The following ZDHHC24 variants were observed in gnomAD, a reference collection of about 807,000 sequenced individuals.
ZDHHC24 encodes the protein probable palmitoyltransferase ZDHHC24.
Under a neutral mutation model 23.2 loss-of-function variants are expected in ZDHHC24, and 17 were observed. The ratio of observed to expected loss-of-function variants is 0.73; its 90% CI spans 0.50 to 1.10. The LOEUF is 1.10. Ranked by LOEUF, ZDHHC24 falls within the 50% of genes least tolerant of loss-of-function variation. The pLI, the probability that ZDHHC24 is intolerant of heterozygous loss-of-function variation, is 0.00. For missense variants in ZDHHC24, 366 were observed against 393.0 expected (o/e 0.93, Z 0.58); for synonymous variants, 186 against 194.5 (o/e 0.96, Z 0.36).
chr11:66,525,280 A>C (rs1248729629), intron 4 of ZDHHC24, among the ~76,000 whole-genome samples: 1 of 151,926 alleles, frequency 6.6e-6, no homozygotes, highest in African/African-American at 2.4e-5. Flanking sequence ...AATCACTTGA[A>C]CCTGGGAGGC....
chr11:66,527,668 C>CAAAAAAAAAA (rs58165767), intron 3 of ZDHHC24: 2 of 57,976 alleles, frequency 3.4e-5, no homozygotes, highest in Admixed American at 1.9e-4. Context: ...GACTCCGTCT[C>CAAAAAAAAAA]AAAAAAAAAA....
At position 66,539,191 on chromosome 11, in the gene ZDHHC24, A is replaced by G. The variant is rs1857071084; in HGVS notation, c.*338T>C. 2 of 1,028,116 alleles carry G rather than the reference A, an allele frequency of 1.9e-6. No individual in the cohort carries two copies. The highest frequency in any genetic ancestry group is 8.9e-5 in the South Asian group (2 of 22,422). 63.7% of individuals were successfully genotyped at this position (1,028,116 alleles called of 1,614,324 possible). ...GCATCCTGCAGTTTCCAGGCCCTAC[A>G]GAGGGTCCCAGAAACAGCCCCAGCA... On this transcript the variant is annotated 3_prime_UTR_variant, in exon 3 of 3. Transcript: ENST00000310442.
At chr11:66,527,156 T>A in intron 3 of ZDHHC24, 1 of 722,968 alleles carries the variant, frequency 1.4e-6, no homozygotes, top group Non-Finnish European at 2.3e-6. Flanking sequence ...GAGGACAGCA[T>A]GAGCCCAGGA....
chr11:66,524,261 C>A, intron 4 of ZDHHC24: 1 of 335,548 alleles, frequency 3.0e-6, no homozygotes. Context: ...GCCTGGACAA[C>A]AGAGCGAGAC....
chr11:66,543,116 A>G lies in ZDHHC24; in HGVS notation c.559+588T>C, dbSNP rs538128749. Among the ~76,000 whole-genome samples the G allele has an allele frequency of 2.0e-5, 3 of 152,260 alleles. No individual in the cohort carries two copies. The South Asian group carries it at 6.2e-4, about 32-fold the overall frequency. ...GGGTAGAGAACAAAGAGTAAAAAGGACCAGCGAGGCTTCTATCTGTAGATG... is the reference window on the plus strand; with the variant it reads ...GGGTAGAGAACAAAGAGTAAAAAGGGCCAGCGAGGCTTCTATCTGTAGATG... On this transcript the variant is annotated intron_variant, in intron 2 of 2. Transcript: ENST00000310442.
chr11:66,526,823 G>C lies in ZDHHC24; in HGVS notation c.*21+113C>G, dbSNP rs1347358462. 1 of 1,614,190 alleles carries C rather than the reference G, an allele frequency of 6.2e-7. No individual in the cohort carries two copies. The highest frequency in any genetic ancestry group is 8.5e-7 in the Non-Finnish European group (1 of 1,180,028). On this transcript the variant is annotated intron_variant, in intron 4 of 4. Transcript: ENST00000526986. ...GCTGGCACCGGTGAGCCTCAGACTG[G>C]GTCCTTTCCCTTCTTCCTCCTCCAC...
chr11:66,529,330 A>G, exon 3 of ZDHHC24: 2 of 1,535,842 alleles, frequency 1.3e-6, no homozygotes, highest in Non-Finnish European at 1.7e-6. Flanking sequence ...TGGTTTCCGC[A>G]GCATTGAGCC....
chr11:66,542,397 GAGA>G (rs1413195966), intron 2 of ZDHHC24: 2 of 153,052 alleles, frequency 1.3e-5, no homozygotes, highest in African/African-American at 2.4e-5. Context: ...GGAGAATGGT[GAGA>G]AGGATGAGCT....
chr11:66,539,692 G>T lies in ZDHHC24; in HGVS notation c.692C>A (p.Ala231Asp). 6.2e-7 allele frequency: 1 copy of T among 1,611,786 alleles called. No homozygotes were observed. Reference sequence around the variant, plus strand: ...CAGGTCATAGGAGTGCTGGCCCCGAGCCCACTCCCATGTGGTCTGGCCCCG... The same window carrying T: ...CAGGTCATAGGAGTGCTGGCCCCGATCCCACTCCCATGTGGTCTGGCCCCG... Reference protein sequence around the residue: ...LLRGQTTWEWARGQHSYDLGP... With the variant: ...LLRGQTTWEWDRGQHSYDLGP... Residue 231 changes from alanine to aspartate, a missense_variant, in exon 3 of 3, where the codon GCT (alanine) becomes GAT (aspartate). By Grantham distance (126) the Ala-to-Asp change is moderately radical. Coordinates refer to ENST00000310442, the MANE Select transcript of ZDHHC24 (RefSeq NM_207340.3).
intron 4 of ZDHHC24, chr11:66,526,106 C>G: frequency 1.2e-6 from 2 of 1,614,026 alleles, no homozygotes; most frequent in Non-Finnish European, 1.7e-6. Flanking sequence ...CAACTAAACT[C>G]TGACGTCTCC....
chr11:66,543,627 C>G, intron 2 of ZDHHC24, 77 bp downstream of exon 2: 3 of 1,456,378 alleles, frequency 2.1e-6, no homozygotes, highest in Non-Finnish European at 2.7e-6. Context: ...AAGCCCGTCT[C>G]CCACCAGAAT....
Position 66,543,823 on chromosome 11 carries a change from G to T in ZDHHC24, c.440C>A (p.Ala147Asp), listed in dbSNP as rs1346274962. 1 of 1,613,760 alleles carries T rather than the reference G, an allele frequency of 6.2e-7. No individual in the cohort carries two copies. Among genetic ancestry groups the T allele is most frequent in the Admixed American group, 1.7e-5 (1 of 59,982 alleles). ...CACAGAGACGTGGAGCAGGACGCCG[G>T]CGGCATGAAGCAGCAGGCACAGGAA... The part of the protein sequence containing the change: ...RPFLCLLLHA[A>D]GVLLHVSVLL... The change falls in exon 2 of 3, where the codon GCC (alanine) becomes GAC (aspartate). Residue 147 changes from alanine to aspartate, a missense_variant. Physicochemically the swap from Ala to Asp is moderately radical, Grantham distance 126 (BLOSUM62 -2). Coordinates refer to ENST00000310442, the MANE Select transcript of ZDHHC24 (RefSeq NM_207340.3).
chr11:66,545,698 C>G lies in ZDHHC24; in HGVS notation c.281+25G>C. ...CCCTGTCCAAGGCTCCCACTTCTCC[C>G]CGCCCGATCCCGCACCCCACTCACG... On this transcript the variant is annotated intron_variant, in intron 1 of 2. Transcript: ENST00000310442. This position sits in a 1 kb window ranked among gnomAD's most constrained non-coding sequence, Gnocchi z 4.5. The G allele has an allele frequency of 6.7e-7, 1 of 1,491,100 alleles. No individual in the cohort carries two copies. Among genetic ancestry groups the G allele is most frequent in the Non-Finnish European group, 8.9e-7 (1 of 1,125,696 alleles). 92.4% of individuals were successfully genotyped at this position (1,491,100 alleles called of 1,614,324 possible). A position where few individuals can be genotyped will look rare whatever the true frequency, so the allele number is the denominator to read the frequency against.
In ZDHHC24 at chr11:66,545,944, C is replaced by T. The variant is rs1408892283; in HGVS notation, c.60G>A (p.Val20=). The T allele has an allele frequency of 2.7e-6, 4 of 1,469,092 alleles. No homozygotes were observed. The African/African-American group carries it at 5.9e-5, about 22-fold the overall frequency. 91.0% of individuals were successfully genotyped at this position (1,469,092 alleles called of 1,614,324 possible). ...CGGCCGCGGCCCACAGCGCGGTGAG[C>T]ACGAGAGGCAGCTGCGCGGGCGCCC... The part of the protein sequence containing the change: ...TDGAPAQLPL[V]LTALWAAAVG... The change falls in exon 1 of 3, where the codon GTG becomes GTA. Residue 20 remains valine, a synonymous_variant. Coordinates refer to ENST00000310442, the MANE Select transcript of ZDHHC24 (RefSeq NM_207340.3). The surrounding 1 kb of genome is among the most constrained non-coding windows in gnomAD (Gnocchi z 4.5).
In ZDHHC24 at chr11:66,523,808, G is replaced by A. The variant is rs201872547; in HGVS notation, c.*22-2342C>T. On this transcript the variant is annotated intron_variant, in intron 4 of 4. Transcript: ENST00000526986. ...GCAGCATTCCCGGGGCCTGCAGGCC[G>A]TCATGGCTGGGCTGGCCAATGGAGA... 716 of 1,613,612 alleles carry A rather than the reference G, an allele frequency of 4.4e-4. 9 individuals are homozygous for A. The South Asian group carries it at 7.0e-3, about 16-fold the overall frequency.
Position 66,545,798 on chromosome 11 carries a change from A to G in ZDHHC24, c.206T>C (p.Val69Ala). ...AFQLLNLLGN[V>A]GLFLRSDPSI... is the part of the protein sequence containing the mutation. ...GGGATCCGAGCGCAGGAAGAGCCCC[A>G]CGTTGCCCAGCAGGTTGAGCAGCTG... Residue 69 changes from valine (V) to alanine (A), a missense_variant, in exon 1 of 3, where the codon GTG (valine) becomes GCG (alanine). Transcript: ENST00000310442. The surrounding 1 kb of genome is among the most constrained non-coding windows in gnomAD (Gnocchi z 4.5). 1 of 1,585,642 alleles carries G rather than the reference A, an allele frequency of 6.3e-7. No homozygotes were observed. The highest frequency in any genetic ancestry group is 2.3e-5 in the East Asian group (1 of 43,990).
rs1857228523 is a variant in ZDHHC24, at chr11:66,543,867, G to A, written c.396C>T (p.Gly132=). The A allele has an allele frequency of 2.5e-6, 4 of 1,613,868 alleles. No homozygotes were observed. In the East Asian group the frequency reaches 6.7e-5, roughly 27 times the overall value. The change falls in exon 2 of 3, where the codon GGC becomes GGT. Residue 132 remains glycine, a synonymous_variant. Transcript: ENST00000310442. ...HHCRLLGRCV[G]FGNYRPFLCL... is the part of the protein sequence containing the mutation. The stretch of plus-strand genomic sequence containing the variant: ...ACAGGAAGGGCCGGTAGTTGCCGAA[G>A]CCCACGCAGCGGCCCAGCAGGCGGC...
rs1295801883 is a variant in ZDHHC24 at position 66,539,276 on chromosome 11, C to T, written c.*253G>A. The T allele has an allele frequency of 2.5e-6, 3 of 1,222,736 alleles. No individual in the cohort carries two copies. Among genetic ancestry groups the T allele is most frequent in the Non-Finnish European group, 3.1e-6 (3 of 982,154 alleles). 75.7% of individuals were successfully genotyped at this position (1,222,736 alleles called of 1,614,324 possible). A position where few individuals can be genotyped will look rare whatever the true frequency, so the allele number is the denominator to read the frequency against. ...AGGGAGGCTGAGAAACAAGTCAGTG[C>T]TTTATTAACCTGGCAAAGGGGCAGC... On this transcript the variant is annotated 3_prime_UTR_variant, in exon 3 of 3. Coordinates refer to ENST00000310442, the MANE Select transcript of ZDHHC24 (RefSeq NM_207340.3).
chr11:66,541,015 C>G (rs1408620120), intron 2 of ZDHHC24, among the ~76,000 whole-genome samples: 1 of 152,066 alleles, frequency 6.6e-6, no homozygotes, highest in Non-Finnish European at 1.5e-5. Context: ...TACGGGGTTT[C>G]TTTTTAGGAT....
Sources: gnomAD v4.1 joint callset for allele counts (sites outside exome capture counted in the v4.1 genomes callset) on GRCh38, gnomAD v4.1.1 for gene constraint, Gnocchi (gnomAD v3.1) non-coding constraint, MANE v1.5 for transcripts, NCBI Gene and HGNC (gene_info 2026-07-23, HGNC 2026-07-21) for gene names.